The following CSMD2 variants were observed in gnomAD, a reference collection of about 807,000 sequenced individuals.
The protein encoded by CSMD2 is CUB and Sushi multiple domains 2.
In CSMD2, 130 loss-of-function variants were observed where a neutral mutation model predicts 398.5. The ratio of observed to expected loss-of-function variants is 0.33; its 90% CI spans 0.28 to 0.38. CSMD2 has a LOEUF of 0.38. Ranked by LOEUF, CSMD2 falls within the 10% of genes least tolerant of loss-of-function variation. The probability of loss-of-function intolerance (pLI) is 1.00; values close to 1 mark genes in which losing one functional copy is unlikely to be tolerated. For missense variants in CSMD2, 3,829 were observed against 4,764.9 expected (o/e 0.80, Z 5.78); for synonymous variants, 1,828 against 1,908.5 (o/e 0.96, Z 1.10).
chr1:33,568,073 C>A (rs2148681399), intron 52 of CSMD2, among the ~76,000 whole-genome samples: 1 of 152,210 alleles, frequency 6.6e-6, no homozygotes, highest in East Asian at 1.9e-4. Context: ...TCAGTTACCT[C>A]ACTGTCCCCA....
chr1:33,882,399 T>C (rs1038679452), intron 5 of CSMD2, among the ~76,000 whole-genome samples: 1 of 152,222 alleles, frequency 6.6e-6, no homozygotes, highest in African/African-American at 2.4e-5. Flanking sequence ...ACATTTGTAA[T>C]TTCATACTTT....
chr1:33,831,085 C>T (rs576927070), intron 6 of CSMD2, among the ~76,000 whole-genome samples: 31 of 152,258 alleles, frequency 2.0e-4, no homozygotes, highest in African/African-American at 7.5e-4. Context: ...GGAAAACACC[C>T]TGCAGGATAC....
intron 3 of CSMD2, among the ~76,000 whole-genome samples, chr1:33,980,519 C>T (rs1480143849): frequency 3.3e-5 from 5 of 152,160 alleles, no homozygotes; most frequent in African/African-American, 1.2e-4. Context: ...TGACTTGTTC[C>T]AGGGCCAGGT....
At chr1:33,696,634 CA>C (rs780089702) in intron 24 of CSMD2, among the ~76,000 whole-genome samples, 177 of 152,192 alleles carry the variant, frequency 1.2e-3, no homozygotes, top group Non-Finnish European at 2.2e-3. Flanking sequence ...TTCCATATTC[CA>C]GACAGAGAAG....
At chr1:34,061,443 C>G (rs995496063) in intron 2 of CSMD2, among the ~76,000 whole-genome samples, 2 of 152,120 alleles carry the variant, frequency 1.3e-5, no homozygotes, top group Non-Finnish European at 2.9e-5. Flanking sequence ...GAAGACCATG[C>G]CCCTGGCTCC....
At chr1:33,676,620 A>C (rs1273565960) in intron 25 of CSMD2, among the ~76,000 whole-genome samples, 1 of 152,214 alleles carries the variant, frequency 6.6e-6, no homozygotes, top group Non-Finnish European at 1.5e-5. Flanking sequence ...TTTAAAGTTC[A>C]TATGGCATCA....
intron 54 of CSMD2, among the ~76,000 whole-genome samples, chr1:33,558,463 C>T (rs1658245924): frequency 6.6e-6 from 1 of 152,184 alleles, no homozygotes; most frequent in South Asian, 2.1e-4. Context: ...AACTCAAAAT[C>T]AGGATAAGAT....
At chr1:33,783,998 C>T (rs1653183410) in intron 12 of CSMD2, among the ~76,000 whole-genome samples, 1 of 150,242 alleles carries the variant, frequency 6.7e-6, no homozygotes. Context: ...GACTCCCTAT[C>T]CCAGGGCATT....
intron 3 of CSMD2, among the ~76,000 whole-genome samples, chr1:33,950,492 T>C (rs1001246554): frequency 1.3e-5 from 2 of 152,134 alleles, no homozygotes; most frequent in Non-Finnish European, 2.9e-5. Flanking sequence ...TATATATGCA[T>C]GTAAACTGCA....
rs942397472 is a variant in CSMD2 at position 33,635,642 on chromosome 1, C to G, written c.4970-312G>C. 5.3e-5 allele frequency among the ~76,000 whole-genome samples: 8 copies of G among 152,208 alleles called. No individual in the cohort carries two copies. The highest frequency in any genetic ancestry group is 1.9e-4 in the African/African-American group (8 of 41,458). On this transcript the variant is annotated intron_variant, in intron 30 of 70. Coordinates refer to ENST00000373381, the MANE Select transcript of CSMD2 (RefSeq NM_001281956.2). This position sits in a 1 kb window ranked among gnomAD's most constrained non-coding sequence, Gnocchi z 5.0. ...CAGCCTTAGGGAGCACATTAGGAAC[C>G]TCTTCTGCTTACACGTGGAGCCTAG...
chr1:34,151,899 G>C (rs1640362166), intron 1 of CSMD2, among the ~76,000 whole-genome samples: 1 of 142,964 alleles, frequency 7.0e-6, no homozygotes, highest in South Asian at 2.3e-4. Flanking sequence ...CTGGAGTGTA[G>C]TGGCACAATC....
chr1:33,825,455 G>C (rs12062730), intron 7 of CSMD2, among the ~76,000 whole-genome samples: 104,798 of 152,244 alleles, frequency 0.69, 37,333 homozygotes, highest in African/African-American at 0.89. Context: ...AGTTCAAATG[G>C]GAAGTGAGGG....
At position 33,901,414 on chromosome 1, in the gene CSMD2, T is replaced by C. The variant is rs192467564; in HGVS notation, c.920+16680A>G. Among the ~76,000 whole-genome samples, 48 of 152,324 alleles carry C rather than the reference T, an allele frequency of 3.2e-4. 1 individual carries two copies. Among genetic ancestry groups the C allele is most frequent in the Non-Finnish European group, 6.0e-4 (41 of 68,026 alleles). ...TCTGTGCCAGGACTCTACTGAGCCC[T>C]GAGGATTCAGAGATGATGGGCCAAG... On this transcript the variant is annotated intron_variant, in intron 5 of 70. Coordinates refer to ENST00000373381, the MANE Select transcript of CSMD2 (RefSeq NM_001281956.2).
intron 2 of CSMD2, among the ~76,000 whole-genome samples, chr1:34,033,210 A>G (rs1650681514): frequency 6.6e-6 from 1 of 152,242 alleles, no homozygotes; most frequent in Non-Finnish European, 1.5e-5. Context: ...AAAGAAAGCA[A>G]AAAATAAAAA....
At chr1:34,147,189 C>T (rs1222394933) in intron 1 of CSMD2, among the ~76,000 whole-genome samples, 1 of 151,992 alleles carries the variant, frequency 6.6e-6, no homozygotes, top group African/African-American at 2.4e-5. Flanking sequence ...ACCCGGGAGG[C>T]AGAGCTTGCA....
At chr1:33,540,462 C>G in intron 60 of CSMD2, 63 bp downstream of exon 60, 1 of 1,571,082 alleles carries the variant, frequency 6.4e-7, no homozygotes, top group Non-Finnish European at 8.7e-7. Context: ...CACAAAGCTC[C>G]GAGGAGGCAA....
chr1:34,109,663 G>A (rs1033239380), intron 1 of CSMD2, among the ~76,000 whole-genome samples: 2 of 151,994 alleles, frequency 1.3e-5, no homozygotes, highest in Non-Finnish European at 2.9e-5. Context: ...GCATCTGTAA[G>A]GAACTTAAAC....
At chr1:33,947,962 G>A (rs936486951) in intron 3 of CSMD2, among the ~76,000 whole-genome samples, 1 of 152,222 alleles carries the variant, frequency 6.6e-6, no homozygotes, top group Admixed American at 6.5e-5. Flanking sequence ...GAACTGGGGT[G>A]TACACCTAGT....
At chr1:33,895,711 G>C (rs1417827703) in intron 5 of CSMD2, among the ~76,000 whole-genome samples, 1 of 152,194 alleles carries the variant, frequency 6.6e-6, no homozygotes, top group Non-Finnish European at 1.5e-5. Flanking sequence ...CCTCCAGAAA[G>C]GCTGAGAGGG....
Sources: allele counts gnomAD v4.1 joint callset (sites outside exome capture counted in the v4.1 genomes callset), GRCh38; gene constraint gnomAD v4.1.1; non-coding constraint Gnocchi (gnomAD v3.1); transcripts MANE v1.5; gene names NCBI Gene and HGNC (gene_info 2026-07-23, HGNC 2026-07-21).